Variants in AGBL1 observed in about 807,000 individuals in gnomAD.
AGBL1 encodes the protein cytosolic carboxypeptidase 4.
AGBL1 carries 130 observed loss-of-function variants against 118.9 expected under a neutral mutation model. The observed-to-expected ratio is 1.09, with a 90% CI of 0.95 to 1.26. AGBL1 has a LOEUF of 1.26. AGBL1 is among the 50% of genes most tolerant of loss of function. The pLI is 0.00. For missense variants in AGBL1, 1,584 were observed against 1,298.1 expected (o/e 1.22, Z -3.38); for synonymous variants, 555 against 478.9 (o/e 1.16, Z -2.08).
At chr15:86,290,160 G>T (rs2079520872) in intron 16 of AGBL1, among the ~76,000 whole-genome samples, 1 of 152,022 alleles carries the variant, frequency 6.6e-6, no homozygotes, top group South Asian at 2.1e-4. Context: ...ATCAAAATTT[G>T]ATAATGTGTA....
intron 22 of AGBL1, among the ~76,000 whole-genome samples, chr15:86,768,279 G>A (rs1309637072): frequency 6.6e-6 from 1 of 151,882 alleles, no homozygotes; most frequent in Non-Finnish European, 1.5e-5. Flanking sequence ...CCTTCCCATT[G>A]CATATAACAT....
chr15:86,136,145 A>G (rs2076885428), intron 1 of AGBL1, among the ~76,000 whole-genome samples: 1 of 152,192 alleles, frequency 6.6e-6, no homozygotes, highest in African/African-American at 2.4e-5. Flanking sequence ...CATGGGAAGC[A>G]GTAGAATCTC....
chr15:86,956,866 C>CA (rs1219659555), intron 23 of AGBL1, among the ~76,000 whole-genome samples: 1 of 152,088 alleles, frequency 6.6e-6, no homozygotes. Flanking sequence ...AATGGAATAA[C>CA]AATTAATATT....
At chr15:86,185,682 C>T (rs542113157) in intron 5 of AGBL1, among the ~76,000 whole-genome samples, 19 of 151,140 alleles carry the variant, frequency 1.3e-4, no homozygotes, top group African/African-American at 3.9e-4. Context: ...TGCATGTTCC[C>T]GCTCATAGGT....
intron 1 of AGBL1, among the ~76,000 whole-genome samples, chr15:86,126,701 T>C (rs1597429191): frequency 1.3e-5 from 2 of 152,168 alleles, no homozygotes; most frequent in Non-Finnish European, 2.9e-5. Context: ...AGATAAAAAA[T>C]ACATTTGATT....
chr15:86,537,076 A>G (rs2083436970), intron 19 of AGBL1, among the ~76,000 whole-genome samples: 3 of 152,224 alleles, frequency 2.0e-5, no homozygotes, highest in Admixed American at 2.0e-4. Context: ...AAGGCAATCA[A>G]CAGTTCTCAG....
chr15:86,174,282 T>A (rs2077453281), intron 5 of AGBL1, among the ~76,000 whole-genome samples: 1 of 152,168 alleles, frequency 6.6e-6, no homozygotes, highest in African/African-American at 2.4e-5. Context: ...ATACTACTGA[T>A]ATTTGTTGAT....
At chr15:86,571,004 C>T (rs1471131969) in intron 21 of AGBL1, among the ~76,000 whole-genome samples, 3 of 152,158 alleles carry the variant, frequency 2.0e-5, no homozygotes, top group Non-Finnish European at 4.4e-5. Flanking sequence ...CAGTCAGACA[C>T]GCTGGCTGAT....
chr15:86,845,702 C>T (rs1296145981), intron 22 of AGBL1, among the ~76,000 whole-genome samples: 1 of 152,134 alleles, frequency 6.6e-6, no homozygotes, highest in East Asian at 1.9e-4. Context: ...CATCTGCGCC[C>T]AGGGTTTTCT....
In AGBL1 at chr15:86,841,156, G is replaced by A. The variant is rs28433847; in HGVS notation, c.3159-65931G>A. Among the ~76,000 whole-genome samples, 462 of 152,322 alleles carry A rather than the reference G, an allele frequency of 3.0e-3. 2 individuals carry two copies. Among genetic ancestry groups the A allele is most frequent in the African/African-American group, 0.011 (443 of 41,562 alleles). On this transcript the variant is annotated intron_variant, in intron 22 of 22. Transcript: ENST00000614907. ...ACACTCAGCCCCTACAGGCAGCTCA[G>A]CATTTCTTTGGCAGCTCCCCTTTAA...
At chr15:86,214,937 G>A (rs2078160306) in intron 5 of AGBL1, among the ~76,000 whole-genome samples, 1 of 152,150 alleles carries the variant, frequency 6.6e-6, no homozygotes, top group African/African-American at 2.4e-5. Context: ...CGTGATTGAT[G>A]AGGATTCCTG....
chr15:86,897,828 G>C (rs1287399598), intron 22 of AGBL1, among the ~76,000 whole-genome samples: 1 of 135,720 alleles, frequency 7.4e-6, no homozygotes, highest in Non-Finnish European at 1.5e-5. Context: ...GAAGCGCAGT[G>C]GCACAAACTC....
At chr15:86,614,821 CT>C (rs1459894877) in intron 21 of AGBL1, among the ~76,000 whole-genome samples, 1 of 152,160 alleles carries the variant, frequency 6.6e-6, no homozygotes, top group African/African-American at 2.4e-5. Context: ...ATATAATCTA[CT>C]GATCGTAAGA....
chr15:86,891,333 A>G (rs2080049469), intron 22 of AGBL1, among the ~76,000 whole-genome samples: 1 of 152,030 alleles, frequency 6.6e-6, no homozygotes. Context: ...TTCCTCTGTA[A>G]GTTTTAGAAT....
At chr15:86,879,000 G>A (rs925281946) in intron 22 of AGBL1, among the ~76,000 whole-genome samples, 4 of 152,200 alleles carry the variant, frequency 2.6e-5, no homozygotes, top group African/African-American at 7.2e-5. Context: ...GGAGAACAAA[G>A]GAGCCCTGGC....
chr15:86,229,114 C>G (rs185978275), intron 6 of AGBL1, among the ~76,000 whole-genome samples: 2,105 of 152,250 alleles, frequency 0.014, 45 homozygotes, highest in South Asian at 0.017. Context: ...AAGCTTTAGT[C>G]AGGAAATAGT....
rs192366044 is a variant in AGBL1, at chr15:86,197,278, G to A, written c.489-27636G>A. On this transcript the variant is annotated intron_variant, in intron 5 of 22. Coordinates refer to ENST00000614907, the MANE Select transcript of AGBL1 (RefSeq NM_001386094.1). ...TGGACATTAAAGGCAATTCTGGTGA[G>A]GACTGAAAAAGGAAAGAGGAGAGAC... Among the ~76,000 whole-genome samples, 181 of 152,262 alleles carry A rather than the reference G, an allele frequency of 1.2e-3. 1 individual carries two copies. Among genetic ancestry groups the A allele is most frequent in the Middle Eastern group, 0.01 (3 of 294 alleles).
chr15:86,671,571 A>G (rs1474702613), intron 21 of AGBL1, among the ~76,000 whole-genome samples: 1 of 152,170 alleles, frequency 6.6e-6, no homozygotes, highest in Non-Finnish European at 1.5e-5. Context: ...AACTGACCAA[A>G]GTGGAGGTCA....
chr15:86,844,871 G>A (rs943319967), intron 22 of AGBL1, among the ~76,000 whole-genome samples: 4 of 152,032 alleles, frequency 2.6e-5, no homozygotes, highest in East Asian at 1.9e-4. Context: ...TATATGTATC[G>A]TATGAGGTAA....
Sources: gnomAD v4.1 joint callset for allele counts (sites outside exome capture counted in the v4.1 genomes callset) on GRCh38, gnomAD v4.1.1 for gene constraint, MANE v1.5 for transcripts, NCBI Gene and HGNC (gene_info 2026-07-23, HGNC 2026-07-21) for gene names.